Variants in HECTD4 observed in about 807,000 individuals in gnomAD.
HECTD4 encodes probable E3 ubiquitin-protein ligase HECTD4.
Under a neutral mutation model 471.5 loss-of-function variants are expected in HECTD4, and 114 were observed. That is an observed-to-expected ratio of 0.24 (90% confidence interval 0.21 to 0.28). HECTD4 has a LOEUF of 0.28. HECTD4 is among the 10% of genes least tolerant of loss of function. HECTD4 has a pLI of 1.00. For synonymous variants in HECTD4, 2,012 were observed against 2,256.0 expected (o/e 0.89, Z 3.07); for missense variants, 3,866 against 5,651.5 (o/e 0.68, Z 10.13).
chr12:112,199,070 G>A (rs1437828703), intron 55 of HECTD4, among the ~76,000 whole-genome samples: 1 of 151,380 alleles, frequency 6.6e-6, no homozygotes, highest in African/African-American at 2.4e-5. Flanking sequence ...ACACGGGGCT[G>A]TTGAGCCGCC....
chr12:112,205,836 C>T lies in HECTD4; in HGVS notation c.8132-1213G>A, dbSNP rs141215578. On this transcript the variant is annotated intron_variant, in intron 52 of 75. Coordinates refer to ENST00000682272, the MANE Select transcript of HECTD4 (RefSeq NM_001388303.1). ...TCAAAACTCCTGACCTCAAGTGATC[C>T]GCCTGCCTTGGCCTTCCAAAGTGCT... Among the ~76,000 whole-genome samples, 198 of 152,198 alleles carry T rather than the reference C, an allele frequency of 1.3e-3. 1 individual carries two copies. Among genetic ancestry groups the T allele is most frequent in the African/African-American group, 4.4e-3 (184 of 41,540 alleles).
intron 44 of HECTD4, among the ~76,000 whole-genome samples, chr12:112,225,868 T>C (rs1593950842): frequency 6.6e-6 from 1 of 152,136 alleles, no homozygotes; most frequent in African/African-American, 2.4e-5. Context: ...GCTCAAGCGA[T>C]CCTCCTGCCT....
chr12:112,340,160 T>C (rs2036030545), intron 1 of HECTD4, among the ~76,000 whole-genome samples: 2 of 152,228 alleles, frequency 1.3e-5, no homozygotes, highest in Admixed American at 6.5e-5. Flanking sequence ...ATATAATTAA[T>C]AATAAAAAAT....
At chr12:112,318,461 G>C (rs2035528234) in intron 2 of HECTD4, among the ~76,000 whole-genome samples, 1 of 151,878 alleles carries the variant, frequency 6.6e-6, no homozygotes, top group Non-Finnish European at 1.5e-5. Context: ...TGCAACCACT[G>C]CTTCCTGGGT....
chr12:112,288,334 A>G (rs1822317709), intron 7 of HECTD4, among the ~76,000 whole-genome samples: 2 of 151,392 alleles, frequency 1.3e-5, no homozygotes, highest in Admixed American at 1.3e-4. Context: ...AAAAAAAAAA[A>G]AGATGCAGCA....
chr12:112,277,696 A>C (rs1193705685), intron 9 of HECTD4, among the ~76,000 whole-genome samples: 2 of 152,244 alleles, frequency 1.3e-5, no homozygotes, highest in African/African-American at 4.8e-5. Flanking sequence ...TTGTGCATGA[A>C]TAGAGAATAC....
chr12:112,290,614 G>A (rs984216782), intron 7 of HECTD4, among the ~76,000 whole-genome samples: 3 of 151,932 alleles, frequency 2.0e-5, no homozygotes, highest in East Asian at 1.9e-4. Context: ...TTGGGAGGCC[G>A]AGGAAGGCAG....
chr12:112,242,258 GA>G (rs1256162847), intron 32 of HECTD4, among the ~76,000 whole-genome samples: 1 of 152,220 alleles, frequency 6.6e-6, no homozygotes, highest in Non-Finnish European at 1.5e-5. Flanking sequence ...TCCGTCAGCA[GA>G]GGATGTGTTA....
At chr12:112,252,251 T>C (rs1242215848) in intron 23 of HECTD4, among the ~76,000 whole-genome samples, 173 bp downstream of exon 23, 2 of 152,202 alleles carry the variant, frequency 1.3e-5, no homozygotes, top group Non-Finnish European at 2.9e-5. Context: ...TCATGGCTAG[T>C]TTTATTCTGT....
Position 112,273,742 on chromosome 12 carries a change from T to C in HECTD4, c.1855A>G (p.Ile619Val). ...NMLWTCSNDY[I>V]DQWCNPGNQA... ...TTCCCAGGGTTACACCACTGATCGA[T>C]ATAGTCATTTGAGCATGTCCATAGC... The change falls in exon 11 of 76, where the codon ATC (isoleucine) becomes GTC (valine). Residue 619 changes from isoleucine to valine, a missense_variant. By Grantham distance (29) the Ile-to-Val change is conservative (BLOSUM62 3). Transcript: ENST00000682272. 6.2e-7 allele frequency: 1 copy of C among 1,613,980 alleles called. No homozygotes were observed. The highest frequency in any genetic ancestry group is 8.5e-7 in the Non-Finnish European group (1 of 1,179,840).
rs139393239 is a variant in HECTD4, at chr12:112,290,637, C to T, written c.1336-7335G>A. 0.056 allele frequency among the ~76,000 whole-genome samples: 8,396 copies of T among 151,278 alleles called. 1,276 individuals are homozygous for T. The East Asian group carries it at 0.61, about 11-fold the overall frequency. ...CCGAGGAAGGCAGATCACCTGAGGT[C>T]GGAAGTTTGAGACCAGCCTGACCAA... On this transcript the variant is annotated intron_variant, in intron 7 of 75. Transcript: ENST00000682272.
In HECTD4 at chr12:112,239,928, G is replaced by A. The variant is rs1166716202; in HGVS notation, c.5058C>T (p.Ile1686=). ...SVVSLCARYP[I]ACANSIGLLC... The stretch of plus-strand genomic sequence containing the variant: ...AGAGTCCAATGCTATTTGCGCAAGC[G>A]ATAGGGTAACGAGCACACAGAGACA... The change falls in exon 33 of 76, where the codon ATC becomes ATT. Residue 1686 remains isoleucine, a synonymous_variant. Coordinates refer to ENST00000682272, the MANE Select transcript of HECTD4 (RefSeq NM_001388303.1). The surrounding 1 kb of genome is among the most constrained non-coding windows in gnomAD (Gnocchi z 4.9). 3 of 1,614,014 alleles carry A rather than the reference G, an allele frequency of 1.9e-6. No individual in the cohort carries two copies. Among genetic ancestry groups the A allele is most frequent in the Non-Finnish European group, 2.5e-6 (3 of 1,179,876 alleles).
intron 7 of HECTD4, among the ~76,000 whole-genome samples, chr12:112,303,928 A>G (rs560486542): frequency 1.3e-5 from 2 of 152,130 alleles, no homozygotes; most frequent in Admixed American, 6.5e-5. Flanking sequence ...ACAAACTCTC[A>G]TCTATCACAG....
chr12:112,201,616 T>C (rs2032432924), intron 54 of HECTD4, among the ~76,000 whole-genome samples: 2 of 152,176 alleles, frequency 1.3e-5, no homozygotes, highest in Admixed American at 6.5e-5. Flanking sequence ...ATTGATTTAG[T>C]CTAAGTTCAA....
At chr12:112,283,860 TA>T (rs2034693826) in intron 7 of HECTD4, among the ~76,000 whole-genome samples, 1 of 152,218 alleles carries the variant, frequency 6.6e-6, no homozygotes, top group Non-Finnish European at 1.5e-5. Context: ...ATCACTTGGT[TA>T]TTCCCCAGAA....
intron 1 of HECTD4, among the ~76,000 whole-genome samples, chr12:112,339,095 A>C (rs1268523710): frequency 6.6e-6 from 1 of 152,148 alleles, no homozygotes; most frequent in Non-Finnish European, 1.5e-5. Context: ...TTCCCTATAG[A>C]AATTCTTGCA....
chr12:112,244,836 G>C (rs781564745), intron 29 of HECTD4, among the ~76,000 whole-genome samples: 24 of 151,984 alleles, frequency 1.6e-4, no homozygotes, highest in Non-Finnish European at 2.8e-4. Context: ...AATCTGAACT[G>C]GTCTTTCTAT....
intron 64 of HECTD4, among the ~76,000 whole-genome samples, chr12:112,178,645 C>A (rs1305618575): frequency 1.3e-5 from 2 of 152,160 alleles, no homozygotes; most frequent in Non-Finnish European, 2.9e-5. Context: ...GCCTGGCCAA[C>A]ATGGTGAAAC....
chr12:112,178,600 C>G (rs753671717), intron 64 of HECTD4, among the ~76,000 whole-genome samples: 2 of 152,198 alleles, frequency 1.3e-5, no homozygotes, highest in Non-Finnish European at 2.9e-5. Context: ...GAGGCCAGTG[C>G]AGGCTGATCG....
Sources: gnomAD v4.1 joint callset for allele counts (sites outside exome capture counted in the v4.1 genomes callset) on GRCh38, gnomAD v4.1.1 for gene constraint, Gnocchi (gnomAD v3.1) non-coding constraint, MANE v1.5 for transcripts, NCBI Gene and HGNC (gene_info 2026-07-23, HGNC 2026-07-21) for gene names.